MYO1D: variants seen among roughly 807,000 people sequenced by gnomAD.
MYO1D encodes myosin ID, also known as unconventional myosin-Id.
In MYO1D, 83 loss-of-function variants were observed where a neutral mutation model predicts 122.0. The ratio of observed to expected loss-of-function variants is 0.68; its 90% CI spans 0.57 to 0.82. The LOEUF (loss-of-function observed/expected upper bound fraction) is 0.82, where lower values mean the gene tolerates loss of function less well. Ranked by LOEUF, MYO1D falls within the 40% of genes least tolerant of loss-of-function variation. The probability of loss-of-function intolerance (pLI) is 0.00; values close to 1 mark genes in which losing one functional copy is unlikely to be tolerated. For missense variants in MYO1D, 1,157 were observed against 1,269.5 expected, an observed-to-expected ratio of 0.91 and a Z score of 1.35; for synonymous variants, 464 against 446.9, an observed-to-expected ratio of 1.04 and a Z score of -0.48.
chr17:32,813,497 AG>A (rs1438751706), intron 1 of MYO1D, among the ~76,000 whole-genome samples: 1 of 152,186 alleles, frequency 6.6e-6, no homozygotes, highest in Non-Finnish European at 1.5e-5. Flanking sequence ...GGGGTGGAGG[AG>A]GAGGAGTGGG....
intron 17 of MYO1D, among the ~76,000 whole-genome samples, chr17:32,657,345 T>C (rs1454689923): frequency 6.6e-6 from 1 of 152,260 alleles, no homozygotes; most frequent in Admixed American, 6.5e-5. Context: ...AACTATAGCC[T>C]GTGCCAAATC....
At chr17:32,604,506 C>G (rs2087602777) in intron 21 of MYO1D, among the ~76,000 whole-genome samples, 1 of 152,188 alleles carries the variant, frequency 6.6e-6, no homozygotes, top group Non-Finnish European at 1.5e-5. Context: ...CACTGGTCCC[C>G]ATCACTCTCA....
intron 21 of MYO1D, among the ~76,000 whole-genome samples, chr17:32,511,275 G>A (rs1223197239): frequency 6.6e-6 from 1 of 151,882 alleles, no homozygotes; most frequent in African/African-American, 2.4e-5. Flanking sequence ...TCAGGCTGGA[G>A]TGTTGTGGCA....
At chr17:32,629,473 G>C (rs578041900) in intron 20 of MYO1D, among the ~76,000 whole-genome samples, 1 of 152,232 alleles carries the variant, frequency 6.6e-6, no homozygotes, top group East Asian at 1.9e-4. Flanking sequence ...AGTGACTCAC[G>C]CCTGTAATCC....
At position 32,876,185 on chromosome 17, in the gene MYO1D, T is replaced by A. The variant is rs181637475; in HGVS notation, c.95+593A>T. On this transcript the variant is annotated intron_variant, in intron 1 of 21. Transcript: ENST00000318217. ...AACGTGTCTAATTACGTTTAGAGAG[T>A]AACTAAAAAAATAGCCAGTGTCCCG... 4.0e-5 allele frequency among the ~76,000 whole-genome samples: 6 copies of A among 150,696 alleles called. No homozygotes were observed. The East Asian group carries it at 1.2e-3, about 29-fold the overall frequency.
At chr17:32,729,976 G>A (rs1200237297) in intron 14 of MYO1D, among the ~76,000 whole-genome samples, 1 of 152,026 alleles carries the variant, frequency 6.6e-6, no homozygotes, top group African/African-American at 2.4e-5. Flanking sequence ...TCTTCAGTCT[G>A]AATTGGTTTT....
chr17:32,779,596 A>C (rs9910770), intron 2 of MYO1D, among the ~76,000 whole-genome samples: 5,638 of 152,098 alleles, frequency 0.037, 337 homozygotes, highest in African/African-American at 0.13. Flanking sequence ...TACTGCTGGA[A>C]TTTTGGGAAG....
intron 14 of MYO1D, among the ~76,000 whole-genome samples, chr17:32,735,763 C>A (rs555421162): frequency 2.3e-3 from 348 of 152,112 alleles, no homozygotes; most frequent in Non-Finnish European, 4.1e-3. Context: ...GTTAGTTCAA[C>A]ATGGCTTGTC....
chr17:32,871,720 G>A (rs2091181765), intron 1 of MYO1D, among the ~76,000 whole-genome samples: 1 of 152,258 alleles, frequency 6.6e-6, no homozygotes, highest in South Asian at 2.1e-4. Context: ...CTCCTGAGCA[G>A]TAGCCTGCAT....
At chr17:32,603,702 T>C (rs985277521) in intron 21 of MYO1D, among the ~76,000 whole-genome samples, 1 of 151,944 alleles carries the variant, frequency 6.6e-6, no homozygotes, top group Non-Finnish European at 1.5e-5. Context: ...ATTTTTTGTA[T>C]TTTTAGTAGA....
At position 32,772,754 on chromosome 17, in the gene MYO1D, C is replaced by CAAAT. The variant is rs774194731; in HGVS notation, c.618+31_618+34dup. 1.5e-4 allele frequency: 229 copies of CAAAT among 1,523,050 alleles called. No homozygotes were observed. In the African/African-American group the frequency reaches 2.9e-3, roughly 20 times the overall value. 94.3% of individuals were successfully genotyped at this position (1,523,050 alleles called of 1,614,324 possible). A position where few individuals can be genotyped will look rare whatever the true frequency, so the allele number is the denominator to read the frequency against. ...AATACTCATTTCCTGCACAACTGGG[C>CAAAT]AAATGATCAATTATCTGTATAATGG... On this transcript the variant is annotated intron_variant, in intron 5 of 21. Transcript: ENST00000318217.
chr17:32,780,701 C>T lies in MYO1D; in HGVS notation c.179G>A (p.Arg60Lys). The T allele has an allele frequency of 3.1e-6, 5 of 1,614,150 alleles. No homozygotes were observed. Among genetic ancestry groups the T allele is most frequent in the Non-Finnish European group, 4.2e-6 (5 of 1,180,022 alleles). Reference protein sequence around the residue: ...NPYKLLNIYGRDTIEQYKGRE... With the variant: ...NPYKLLNIYGKDTIEQYKGRE... ...GCCTTTATACTGCTCAATTGTGTCT[C>T]TTCCATAGATGTTCAACAACTTGTA... Residue 60 changes from arginine to lysine, a missense_variant, in exon 2 of 22, where the codon AGA becomes AAA. Transcript: ENST00000318217.
intron 1 of MYO1D, among the ~76,000 whole-genome samples, chr17:32,869,361 C>T (rs2091158705): frequency 6.6e-6 from 1 of 152,204 alleles, no homozygotes; most frequent in Non-Finnish European, 1.5e-5. Flanking sequence ...TTTTAAAATG[C>T]TGTTACCCTC....
chr17:32,500,693 C>T (rs1345732736), intron 21 of MYO1D, among the ~76,000 whole-genome samples: 2 of 152,214 alleles, frequency 1.3e-5, no homozygotes, highest in East Asian at 1.9e-4. Context: ...CTGCCATCAG[C>T]AGATAACGAA....
intron 21 of MYO1D, among the ~76,000 whole-genome samples, chr17:32,506,894 T>C (rs1597862676): frequency 6.6e-6 from 1 of 151,616 alleles, no homozygotes; most frequent in Non-Finnish European, 1.5e-5. Flanking sequence ...GGTGGGAGGG[T>C]CACTTGATCC....
intron 13 of MYO1D, among the ~76,000 whole-genome samples, chr17:32,740,343 C>A (rs2089758582): frequency 6.6e-6 from 1 of 152,094 alleles, no homozygotes; most frequent in African/African-American, 2.4e-5. Context: ...GGAGACTATT[C>A]CTGTACTACA....
chr17:32,731,766 G>C (rs1477314580), intron 14 of MYO1D, among the ~76,000 whole-genome samples: 1 of 152,178 alleles, frequency 6.6e-6, no homozygotes, highest in Non-Finnish European at 1.5e-5. Context: ...TGCAGCTGTG[G>C]CCGCCCAGCT....
intron 16 of MYO1D, among the ~76,000 whole-genome samples, chr17:32,695,469 T>TTGTCTTATTGACTTATTGACTTCTAA (rs1361107126): frequency 6.6e-6 from 1 of 152,236 alleles, no homozygotes; most frequent in African/African-American, 2.4e-5. Flanking sequence ...CCATCCTTCC[T>TTGTCTTATTGACTTATTGACTTCTAA]TGTCTTATTG....
chr17:32,737,002 G>A (rs1449496155), intron 14 of MYO1D, among the ~76,000 whole-genome samples: 1 of 152,144 alleles, frequency 6.6e-6, no homozygotes, highest in Non-Finnish European at 1.5e-5. Context: ...TGAGGCCAAA[G>A]AATCCTGACA....
Sources: gnomAD v4.1 joint callset for allele counts (sites outside exome capture counted in the v4.1 genomes callset) on GRCh38, gnomAD v4.1.1 for gene constraint, MANE v1.5 for transcripts, NCBI Gene and HGNC (gene_info 2026-07-23, HGNC 2026-07-21) for gene names.